Variants in GFPT1 observed in about 807,000 individuals in gnomAD.
GFPT1 encodes glutamine--fructose-6-phosphate transaminase 1.
Under a neutral mutation model 92.0 loss-of-function variants are expected in GFPT1, and 40 were observed. That is an observed-to-expected ratio of 0.43 (90% CI 0.34 to 0.57). The LOEUF (loss-of-function observed/expected upper bound fraction) is 0.57. Among genes scored for constraint, GFPT1 ranks in the 20% least tolerant of loss-of-function variants. The pLI, the probability that GFPT1 is intolerant of heterozygous loss-of-function variation, is 0.02. For missense variants in GFPT1, 448 were observed against 869.1 expected, an observed-to-expected ratio of 0.52 and a Z score of 6.09; for synonymous variants, 269 against 280.6, an observed-to-expected ratio of 0.96 and a Z score of 0.41.
chr2:69,328,240 C>A, intron 18 of GFPT1, 31 bp downstream of exon 18: 3 of 1,574,454 alleles, frequency 1.9e-6, no homozygotes, highest in Non-Finnish European at 2.6e-6. Flanking sequence ...CTCTTTGATC[C>A]CCAAGGTGTT....
chr2:69,357,785 G>A (rs1429361698), intron 6 of GFPT1, among the ~76,000 whole-genome samples: 1 of 152,188 alleles, frequency 6.6e-6, no homozygotes, highest in Non-Finnish European at 1.5e-5. Flanking sequence ...GAATCAAAAA[G>A]AATACTGATT....
At chr2:69,374,458 T>A (rs1671827095) in intron 1 of GFPT1, among the ~76,000 whole-genome samples, 1 of 151,812 alleles carries the variant, frequency 6.6e-6, no homozygotes, top group Non-Finnish European at 1.5e-5. Flanking sequence ...GGACTACAGG[T>A]GCCTGCCACC....
At chr2:69,371,724 C>G (rs1015328418) in intron 2 of GFPT1, among the ~76,000 whole-genome samples, 3 of 150,686 alleles carry the variant, frequency 2.0e-5, no homozygotes, top group African/African-American at 7.3e-5. Flanking sequence ...GTTGTCCCAG[C>G]TACTCGGGAG....
rs911332660 is a variant in GFPT1, at chr2:69,324,399, T to C, written c.*1790A>G. On this transcript the variant is annotated 3_prime_UTR_variant, in exon 20 of 20. Coordinates refer to ENST00000357308, the MANE Select transcript of GFPT1 (RefSeq NM_001244710.2). ...ATATACAAAACATAAGAAATGACAC[T>C]ATACACACGCTAGCTGACTTACACA... 6.6e-6 allele frequency: 1 copy of C among 152,196 alleles called. No individual in the cohort carries two copies. Among genetic ancestry groups the C allele is most frequent in the Non-Finnish European group, 1.5e-5 (1 of 68,032 alleles). 9.4% of individuals were successfully genotyped at this position (152,196 alleles called of 1,614,324 possible).
At chr2:69,339,164 G>A (rs1670874834) in intron 13 of GFPT1, among the ~76,000 whole-genome samples, 1 of 152,188 alleles carries the variant, frequency 6.6e-6, no homozygotes, top group Non-Finnish European at 1.5e-5. Flanking sequence ...GAGTCAGCTT[G>A]TGTGTTATCT....
chr2:69,347,918 T>C (rs2104635237), intron 11 of GFPT1, among the ~76,000 whole-genome samples: 1 of 152,296 alleles, frequency 6.6e-6, no homozygotes, highest in East Asian at 1.9e-4. Context: ...TTATAAAGTA[T>C]CTTTAAAGTA....
At chr2:69,350,240 GA>G in intron 9 of GFPT1, 57 bp from the exon 10 acceptor site, 1 of 1,060,648 alleles carries the variant, frequency 9.4e-7, no homozygotes, top group South Asian at 1.3e-5. Flanking sequence ...GTCCAATGTA[GA>G]AATATGCATA....
At chr2:69,357,144 C>T (rs1307461867) in intron 6 of GFPT1, among the ~76,000 whole-genome samples, 5 of 152,138 alleles carry the variant, frequency 3.3e-5, no homozygotes, top group Admixed American at 1.3e-4. Context: ...ACTTCTGAAC[C>T]TATATATCCT....
intron 4 of GFPT1, among the ~76,000 whole-genome samples, chr2:69,362,355 G>T (rs1008208798): frequency 6.6e-6 from 1 of 152,060 alleles, no homozygotes; most frequent in African/African-American, 2.4e-5. Flanking sequence ...TCAAACTCCT[G>T]GGCTCAGGCA....
chr2:69,368,138 CTT>C, intron 3 of GFPT1, among the ~76,000 whole-genome samples: 1 of 152,164 alleles, frequency 6.6e-6, no homozygotes, highest in African/African-American at 2.4e-5. Context: ...AATCCCAGCA[CTT>C]GGGAGGCCAA....
intron 13 of GFPT1, among the ~76,000 whole-genome samples, chr2:69,340,177 G>A (rs1670908717): frequency 7.4e-6 from 1 of 136,040 alleles, no homozygotes. Context: ...TTAAAGATGG[G>A]GTCTTGGTTT....
In GFPT1 at chr2:69,328,409, A is replaced by G; in HGVS notation, c.1755T>C (p.Ser585=). 1 of 1,613,292 alleles carries G rather than the reference A, an allele frequency of 6.2e-7. No homozygotes were observed. Among genetic ancestry groups the G allele is most frequent in the Non-Finnish European group, 8.5e-7 (1 of 1,179,216 alleles). The change falls in exon 18 of 20, where the codon TCT becomes TCC. Residue 585 remains serine (S), a synonymous_variant. Coordinates refer to ENST00000357308, the MANE Select transcript of GFPT1 (RefSeq NM_001244710.2). The stretch of plus-strand genomic sequence containing the variant: ...TCAATTCACCAGCAAGGATGCCTTC[A>G]GAGTGCATATAAGTAATTTCTTTGA... ...LKIKEITYMH[S]EGILAGELKH...
chr2:69,369,302 T>G (rs1395511990), intron 3 of GFPT1, among the ~76,000 whole-genome samples: 6 of 152,230 alleles, frequency 3.9e-5, no homozygotes, highest in Admixed American at 3.9e-4. Flanking sequence ...TTACAATGAT[T>G]ATGATGGCAT....
chr2:69,328,111 A>C (rs941792434), intron 18 of GFPT1, among the ~76,000 whole-genome samples, 160 bp downstream of exon 18: 2 of 152,022 alleles, frequency 1.3e-5, no homozygotes, highest in African/African-American at 2.4e-5. Context: ...AAAAAAAAAA[A>C]AAAACTCTTA....
At chr2:69,337,449 C>T (rs1162561660) in intron 15 of GFPT1, among the ~76,000 whole-genome samples, 4 of 152,100 alleles carry the variant, frequency 2.6e-5, no homozygotes, top group African/African-American at 9.7e-5. Flanking sequence ...TTATTAGAAA[C>T]CATAAATAGG....
intron 13 of GFPT1, among the ~76,000 whole-genome samples, chr2:69,340,999 G>A (rs559909072): frequency 5.0e-4 from 74 of 149,430 alleles, no homozygotes; most frequent in African/African-American, 1.7e-3. Context: ...TGGTTTTGTC[G>A]CCCAGGTTGG....
chr2:69,330,939 C>T (rs910730134), intron 15 of GFPT1, among the ~76,000 whole-genome samples: 10 of 152,246 alleles, frequency 6.6e-5, no homozygotes, highest in Admixed American at 4.6e-4. Context: ...ACAAATGTAA[C>T]GCATTCAGTT....
chr2:69,366,516 T>A (rs954558860), intron 3 of GFPT1, among the ~76,000 whole-genome samples: 3 of 152,186 alleles, frequency 2.0e-5, no homozygotes, highest in African/African-American at 7.2e-5. Context: ...ATTAAGACCC[T>A]TTCAAATTCA....
In GFPT1 at chr2:69,324,947, C is replaced by T. The variant is rs1325640589; in HGVS notation, c.*1242G>A. The T allele has an allele frequency of 6.6e-6, 1 of 152,146 alleles. No individual in the cohort carries two copies. Among genetic ancestry groups the T allele is most frequent in the East Asian group, 1.9e-4 (1 of 5,196 alleles). The allele number at this position is 152,146 out of a possible 1,614,324, so 9.4% of individuals were successfully genotyped here. ...CTGACACTTACAAGCTGAACATACC[C>T]CAATATCACTTTATTTATATCTTCT... On this transcript the variant is annotated 3_prime_UTR_variant, in exon 20 of 20. Coordinates refer to ENST00000357308, the MANE Select transcript of GFPT1 (RefSeq NM_001244710.2).
Sources: gnomAD v4.1 joint callset for allele counts (sites outside exome capture counted in the v4.1 genomes callset) on GRCh38, gnomAD v4.1.1 for gene constraint, MANE v1.5 for transcripts, NCBI Gene and HGNC (gene_info 2026-07-23, HGNC 2026-07-21) for gene names.